SPX: variants seen among roughly 807,000 people sequenced by gnomAD.
SPX encodes spexin hormone, also known as spexin.
Under a neutral mutation model 19.2 loss-of-function variants are expected in SPX, and 22 were observed. The observed-to-expected ratio is 1.15, with a 90% CI of 0.82 to 1.64. The LOEUF (loss-of-function observed/expected upper bound fraction) is 1.64. Ranked by LOEUF, SPX falls within the 40% of genes most tolerant of loss-of-function variation. The pLI, the probability that SPX is intolerant of heterozygous loss-of-function variation, is 0.00. For synonymous variants in SPX, 50 were observed against 53.3 expected (o/e 0.94, Z 0.27); for missense variants, 143 against 137.7 (o/e 1.04, Z -0.19).
rs75529466 is a variant in SPX at position 21,528,991 on chromosome 12, G to T, written c.209-10G>T. The T allele has an allele frequency of 6.2e-6, 10 of 1,610,340 alleles. No individual in the cohort carries two copies. The highest frequency in any genetic ancestry group is 8.5e-6 in the Non-Finnish European group (10 of 1,176,670). ...GCTAAGAGAATCTGTATACATTTTT[G>T]TTTCTGCAGAAAGACGAAGCCCAAA... On this transcript the variant is annotated splice_polypyrimidine_tract_variant and intron_variant, in intron 4 of 5. Coordinates refer to ENST00000256969, the MANE Select transcript of SPX (RefSeq NM_030572.4).
At chr12:21,528,560 A>T (rs1159907636) in intron 4 of SPX, among the ~76,000 whole-genome samples, 5 of 152,180 alleles carry the variant, frequency 3.3e-5, no homozygotes, top group East Asian at 1.9e-4. Flanking sequence ...AATTGAGCTT[A>T]TTTATTTTAT....
In SPX at chr12:21,526,430, G is replaced by C. The variant is rs1943815235; in HGVS notation, c.-43G>C. On this transcript the variant is annotated 5_prime_UTR_variant, in exon 1 of 6. Transcript: ENST00000256969. ...TCAGAGCAAGAGTCGAAAACTCACA[G>C]ATAAAGTTATAGTTATTTCAGGGTT... 6.4e-7 allele frequency: 1 copy of C among 1,561,754 alleles called. No individual in the cohort carries two copies.
At chr12:21,531,014 G>A in intron 5 of SPX, 123 bp from the exon 6 acceptor site, 1 of 655,556 alleles carries the variant, frequency 1.5e-6, no homozygotes. Flanking sequence ...CAGTAGCAGA[G>A]TCCATAAGTT....
At chr12:21,529,994 C>G (rs1001351967) in intron 5 of SPX, among the ~76,000 whole-genome samples, 1 of 152,058 alleles carries the variant, frequency 6.6e-6, no homozygotes, top group Non-Finnish European at 1.5e-5. Flanking sequence ...CAAGAGAGAG[C>G]TAATTTTAAA....
rs1943827305 is a variant in SPX at position 21,527,676 on chromosome 12, C to T, written c.146-51C>T. Reference sequence around the variant, plus strand: ...GCCGGGAGGAGCTGAGGTTTAAGCCCGGGTTGTCCCGGGCCAGGCTGTCGC... The same window carrying T: ...GCCGGGAGGAGCTGAGGTTTAAGCCTGGGTTGTCCCGGGCCAGGCTGTCGC... On this transcript the variant is annotated intron_variant, in intron 3 of 5. Coordinates refer to ENST00000256969, the MANE Select transcript of SPX (RefSeq NM_030572.4). The T allele has an allele frequency of 6.5e-6, 10 of 1,537,012 alleles. No individual in the cohort carries two copies. In the East Asian group the frequency reaches 2.2e-4, roughly 34 times the overall value.
intron 3 of SPX, chr12:21,527,480 TC>T (rs1327574788): frequency 6.7e-6 from 4 of 601,458 alleles, no homozygotes; most frequent in Non-Finnish European, 8.8e-6. Flanking sequence ...TAACCCGACC[TC>T]CGCTCCAAAG....
chr12:21,528,877 C>A, intron 4 of SPX, 124 bp from the exon 5 acceptor site: 1 of 827,764 alleles, frequency 1.2e-6, no homozygotes, highest in Non-Finnish European at 2.0e-6. Flanking sequence ...GTAAGTAGTC[C>A]TTTGTTGAGG....
At chr12:21,530,366 G>T (rs564619577) in intron 5 of SPX, among the ~76,000 whole-genome samples, 144 of 152,204 alleles carry the variant, frequency 9.5e-4, no homozygotes, top group African/African-American at 3.2e-3. Context: ...CCCATTTTCT[G>T]CAATGGTTTA....
At chr12:21,531,104 A>G (rs756923247) in intron 5 of SPX, 33 bp from the exon 6 acceptor site, 22 of 1,271,938 alleles carry the variant, frequency 1.7e-5, no homozygotes, top group African/African-American at 9.1e-5. Context: ...CGCAGAGTGT[A>G]TATTTATTTT....
At position 21,526,364 on chromosome 12, in the gene SPX, G is replaced by A. The variant is rs1436473180; in HGVS notation, c.-109G>A. 1.2e-5 allele frequency: 12 copies of A among 1,007,296 alleles called. No individual in the cohort carries two copies. The highest frequency in any genetic ancestry group is 2.2e-5 in the Admixed American group (1 of 44,650). The allele number at this position is 1,007,296 out of a possible 1,614,324, so 62.4% of individuals were successfully genotyped here. ...TGGACTCCCAAACTCTACTCCAGAT[G>A]GGGAGGTGCCCTTAACACCAAGATT... is the stretch of plus-strand genomic sequence containing the variant. On this transcript the variant is annotated 5_prime_UTR_variant, in exon 1 of 6. The change abolishes an upstream ATG in the 5' untranslated region. Coordinates refer to ENST00000256969, the MANE Select transcript of SPX (RefSeq NM_030572.4).
chr12:21,527,655 G>A, intron 3 of SPX, 72 bp from the exon 4 acceptor site: 2 of 1,446,536 alleles, frequency 1.4e-6, no homozygotes, highest in South Asian at 1.2e-5. Flanking sequence ...CGCTGTGCCG[G>A]GAGGAGCTGA....
intron 5 of SPX, 127 bp downstream of exon 5, chr12:21,529,211 T>G: frequency 1.2e-6 from 1 of 815,468 alleles, no homozygotes; most frequent in Non-Finnish European, 2.0e-6. Context: ...TCTAATTCTG[T>G]ACTGCTTGAG....
chr12:21,527,841 G>A (rs1355027482), intron 4 of SPX, 52 bp downstream of exon 4: 3 of 1,531,478 alleles, frequency 2.0e-6, no homozygotes, highest in Admixed American at 3.9e-5. Flanking sequence ...GGAATAGGAT[G>A]GGGCGGGCAG....
rs1044579025 is a variant in SPX at position 21,532,171 on chromosome 12, C to T, written c.*976C>T. 1 of 152,186 alleles carries T rather than the reference C, an allele frequency of 6.6e-6. No individual in the cohort carries two copies. Among genetic ancestry groups the T allele is most frequent in the Admixed American group, 6.5e-5 (1 of 15,274 alleles). 9.4% of individuals were successfully genotyped at this position (152,186 alleles called of 1,614,324 possible). A position where few individuals can be genotyped will look rare whatever the true frequency, so the allele number is the denominator to read the frequency against. ...GCACATATACCCACACACGCATACA[C>T]ACATACTCCTGTGGCAAACATAATA... On this transcript the variant is annotated 3_prime_UTR_variant, in exon 6 of 6. Coordinates refer to ENST00000256969, the MANE Select transcript of SPX (RefSeq NM_030572.4).
chr12:21,529,192 C>A, intron 5 of SPX, 108 bp downstream of exon 5: 2 of 1,030,934 alleles, frequency 1.9e-6, no homozygotes, highest in Non-Finnish European at 1.5e-6. Context: ...TGGCCTTAGG[C>A]CCAGAAATTC....
In SPX at chr12:21,527,792, G is replaced by A. The variant is rs776381885; in HGVS notation, c.208+3G>A. ...CCTCTCCGACCGGCCACTGCCGGGT[G>A]AGTGACCAAGGGTGCAAGGGCGCTA... On this transcript the variant is annotated splice_donor_region_variant and intron_variant, in intron 4 of 5. Coordinates refer to ENST00000256969, the MANE Select transcript of SPX (RefSeq NM_030572.4). 1.9e-6 allele frequency: 3 copies of A among 1,570,566 alleles called. No individual in the cohort carries two copies. The highest frequency in any genetic ancestry group is 1.2e-5 in the South Asian group (1 of 85,416).
rs1943872683 is a variant in SPX at position 21,532,263 on chromosome 12, T to C, written c.*1068T>C. 6.6e-6 allele frequency: 1 copy of C among 152,238 alleles called. No homozygotes were observed. Among genetic ancestry groups the C allele is most frequent in the African/African-American group, 2.4e-5 (1 of 41,458 alleles). 9.4% of individuals were successfully genotyped at this position (152,238 alleles called of 1,614,324 possible). On this transcript the variant is annotated 3_prime_UTR_variant, in exon 6 of 6. Transcript: ENST00000256969. ...ATTTTTTACCTAATCAGAGTTGTTA[T>C]TGACAAATGTCATAAGTGGAAAGTA...
In SPX at chr12:21,526,407, A is replaced by G. The variant is rs1943815042; in HGVS notation, c.-66A>G. ...CCAAGATTTTAAAAGCTCCAATTTC[A>G]GAGCAAGAGTCGAAAACTCACAGAT... On this transcript the variant is annotated 5_prime_UTR_variant, in exon 1 of 6. Transcript: ENST00000256969. 8.6e-6 allele frequency: 13 copies of G among 1,511,966 alleles called. No homozygotes were observed. Among genetic ancestry groups the G allele is most frequent in the Non-Finnish European group, 1.2e-5 (13 of 1,110,338 alleles). The allele number at this position is 1,511,966 out of a possible 1,614,324, so 93.7% of individuals were successfully genotyped here.
chr12:21,531,177 C>T lies in SPX; in HGVS notation c.333C>T (p.Asp111=). Residue 111 remains aspartate (D), a synonymous_variant, in exon 6 of 6, where the codon GAC becomes GAT. Coordinates refer to ENST00000256969, the MANE Select transcript of SPX (RefSeq NM_030572.4). ...TTGATCAAACCAGATTCCTGGAAGA[C>T]AGTCTGCTTAACTGGTGAAAATATA... ...KNFDQTRFLE[D]SLLNW is the part of the protein sequence containing the mutation. The T allele has an allele frequency of 1.3e-6, 2 of 1,595,044 alleles. No homozygotes were observed. The highest frequency in any genetic ancestry group is 1.7e-6 in the Non-Finnish European group (2 of 1,169,232).
Sources: gnomAD v4.1 joint callset for allele counts (sites outside exome capture counted in the v4.1 genomes callset) on GRCh38, gnomAD v4.1.1 for gene constraint, MANE v1.5 for transcripts, NCBI Gene and HGNC (gene_info 2026-07-23, HGNC 2026-07-21) for gene names.